CADPS: variants seen among roughly 807,000 people sequenced by gnomAD.
The protein encoded by CADPS is calcium-dependent secretion activator 1.
In CADPS, 57 loss-of-function variants were observed where a neutral mutation model predicts 167.3. The observed-to-expected ratio is 0.34, with a 90% CI of 0.28 to 0.42. CADPS has a LOEUF of 0.42. CADPS is among the 20% of genes least tolerant of loss of function. CADPS has a pLI of 1.00. For synonymous variants in CADPS, 676 were observed against 635.3 expected, an observed-to-expected ratio of 1.06 and a Z score of -0.96; for missense variants, 1,414 against 1,738.1, an observed-to-expected ratio of 0.81 and a Z score of 3.32.
intron 3 of CADPS, among the ~76,000 whole-genome samples, chr3:62,690,083 GTT>G (rs941683477): frequency 8.6e-5 from 13 of 151,874 alleles, no homozygotes; most frequent in African/African-American, 3.1e-4. Flanking sequence ...GTAAAGGTGT[GTT>G]TGACTGTACT....
chr3:62,551,822 T>C (rs1337078303), intron 10 of CADPS, among the ~76,000 whole-genome samples: 1 of 152,158 alleles, frequency 6.6e-6, no homozygotes, highest in Non-Finnish European at 1.5e-5. Flanking sequence ...GGTATCTGCA[T>C]GATTCACACT....
chr3:62,844,424 A>G (rs1425467122), intron 1 of CADPS, among the ~76,000 whole-genome samples: 2 of 152,152 alleles, frequency 1.3e-5, no homozygotes, highest in Non-Finnish European at 2.9e-5. Flanking sequence ...CCCATGGCTT[A>G]GTTCACATTT....
intron 17 of CADPS, among the ~76,000 whole-genome samples, chr3:62,507,985 G>C (rs1481892257): frequency 6.6e-6 from 1 of 152,180 alleles, no homozygotes; most frequent in Non-Finnish European, 1.5e-5. Context: ...GAAAATAAAA[G>C]TGAGGTTACA....
At chr3:62,535,263 G>A (rs373395442) in intron 12 of CADPS, among the ~76,000 whole-genome samples, 1 of 147,178 alleles carries the variant, frequency 6.8e-6, no homozygotes, top group Non-Finnish European at 1.5e-5. Flanking sequence ...TCAAAGTGAT[G>A]TGTTCCTTTC....
chr3:62,786,367 T>C (rs1321964757), intron 1 of CADPS, among the ~76,000 whole-genome samples: 1 of 151,794 alleles, frequency 6.6e-6, no homozygotes, highest in East Asian at 2.0e-4. Flanking sequence ...TTGACATGCT[T>C]ATAAAAATCT....
At chr3:62,737,040 A>T (rs9882059) in intron 3 of CADPS, among the ~76,000 whole-genome samples, 5 of 151,802 alleles carry the variant, frequency 3.3e-5, no homozygotes, top group Admixed American at 1.3e-4. Flanking sequence ...CGGGAGGCTG[A>T]GGCAAAAGAA....
intron 1 of CADPS, among the ~76,000 whole-genome samples, chr3:62,788,371 T>A (rs1163229854): frequency 6.6e-6 from 1 of 152,146 alleles, no homozygotes; most frequent in Non-Finnish European, 1.5e-5. Flanking sequence ...AAAAACCAAC[T>A]GAGTTAAGAA....
rs370760366 is a variant in CADPS, at chr3:62,491,288, C to T, written c.3026+51G>A. 8 of 1,588,006 alleles carry T rather than the reference C, an allele frequency of 5.0e-6. No homozygotes were observed. In the Admixed American group the frequency reaches 1.4e-4, roughly 27 times the overall value. On this transcript the variant is annotated intron_variant, in intron 21 of 29. Coordinates refer to ENST00000383710, the MANE Select transcript of CADPS (RefSeq NM_003716.4). Reference sequence around the variant, plus strand: ...ATCATTAATCCATTTCTGTATTACTCTCCAGCCATTTGTACCCAAACTCCG... The same window carrying T: ...ATCATTAATCCATTTCTGTATTACTTTCCAGCCATTTGTACCCAAACTCCG...
At chr3:62,655,090 A>G (rs947701033) in intron 4 of CADPS, among the ~76,000 whole-genome samples, 10 of 152,278 alleles carry the variant, frequency 6.6e-5, no homozygotes, top group Non-Finnish European at 1.3e-4. Context: ...CACTCCTCCC[A>G]GAACTTGGAC....
chr3:62,599,680 AT>A (rs2059466203), intron 6 of CADPS, among the ~76,000 whole-genome samples: 1 of 54,994 alleles, frequency 1.8e-5, no homozygotes, highest in East Asian at 6.2e-4. Flanking sequence ...TATATACAAT[AT>A]TATATAATAT....
intron 1 of CADPS, among the ~76,000 whole-genome samples, chr3:62,868,321 T>C (rs775394490): frequency 2.0e-5 from 3 of 152,066 alleles, no homozygotes; most frequent in Non-Finnish European, 2.9e-5. Flanking sequence ...ACCAGACAGC[T>C]TATATCCTAC....
intron 10 of CADPS, among the ~76,000 whole-genome samples, chr3:62,553,194 C>G (rs1195595086): frequency 6.6e-6 from 1 of 152,160 alleles, no homozygotes; most frequent in Non-Finnish European, 1.5e-5. Flanking sequence ...CCAGGGCCTG[C>G]TGCTGGGGTA....
At chr3:62,515,977 T>C in intron 16 of CADPS, 82 bp downstream of exon 16, 4 of 1,535,248 alleles carry the variant, frequency 2.6e-6, no homozygotes, top group East Asian at 4.5e-5. Context: ...TGTTTTCAGG[T>C]GCCCTTGAGA....
intron 6 of CADPS, among the ~76,000 whole-genome samples, chr3:62,613,360 G>T (rs556876168): frequency 2.8e-4 from 43 of 152,232 alleles, no homozygotes; most frequent in Non-Finnish European, 5.4e-4. Context: ...CCTAAGCATT[G>T]GCAGTTTAGT....
chr3:62,703,129 T>C (rs1334041228), intron 3 of CADPS, among the ~76,000 whole-genome samples: 1 of 152,158 alleles, frequency 6.6e-6, no homozygotes, highest in African/African-American at 2.4e-5. Flanking sequence ...TATTAAAAAC[T>C]TGTGAGATTT....
intron 6 of CADPS, among the ~76,000 whole-genome samples, chr3:62,611,149 C>T (rs1401191553): frequency 6.6e-6 from 1 of 152,100 alleles, no homozygotes; most frequent in Non-Finnish European, 1.5e-5. Flanking sequence ...ACATAACACT[C>T]GGCTTCTGAT....
intron 3 of CADPS, among the ~76,000 whole-genome samples, chr3:62,674,496 G>C (rs1002807363): frequency 7.2e-5 from 11 of 152,096 alleles, no homozygotes; most frequent in African/African-American, 2.7e-4. Context: ...AAAAGGGTGA[G>C]TTTCATCTTG....
At chr3:62,694,761 A>G (rs989750937) in intron 3 of CADPS, among the ~76,000 whole-genome samples, 1 of 152,072 alleles carries the variant, frequency 6.6e-6, no homozygotes, top group Admixed American at 6.5e-5. Context: ...CCCATACCCC[A>G]GTATCTGAAA....
At chr3:62,785,914 G>GAAAAAAAAAAA (rs571340822) in intron 1 of CADPS, among the ~76,000 whole-genome samples, 3 of 112,532 alleles carry the variant, frequency 2.7e-5, no homozygotes, top group Non-Finnish European at 1.9e-5. Context: ...TTTTCAAAAA[G>GAAAAAAAAAAA]AAAAAAAAAA....
Sources: allele counts gnomAD v4.1 joint callset (sites outside exome capture counted in the v4.1 genomes callset), GRCh38; gene constraint gnomAD v4.1.1; transcripts MANE v1.5; gene names NCBI Gene and HGNC (gene_info 2026-07-23, HGNC 2026-07-21).